SRBD1: variants seen among roughly 807,000 people sequenced by gnomAD.
The protein encoded by SRBD1 is S1 RNA binding domain 1.
SRBD1 carries 88 observed loss-of-function variants against 115.3 expected under a neutral mutation model. The observed-to-expected ratio is 0.76, with a 90% CI of 0.64 to 0.91. The LOEUF (loss-of-function observed/expected upper bound fraction) is 0.91. SRBD1 is among the 40% of genes least tolerant of loss of function. The pLI is 0.00. For missense variants in SRBD1, 1,385 were observed against 1,177.4 expected (o/e 1.18, Z -2.58); for synonymous variants, 509 against 407.7 (o/e 1.25, Z -2.99).
intron 5 of SRBD1, among the ~76,000 whole-genome samples, chr2:45,583,908 G>A (rs1398598327): frequency 6.6e-6 from 1 of 152,104 alleles, no homozygotes; most frequent in Non-Finnish European, 1.5e-5. Context: ...TGCAATAGAA[G>A]GGTTTTTTAA....
chr2:45,521,438 CA>C (rs1440090166), intron 14 of SRBD1, among the ~76,000 whole-genome samples: 3 of 151,616 alleles, frequency 2.0e-5, no homozygotes, highest in Non-Finnish European at 4.4e-5. Context: ...AAATGTAAGT[CA>C]AAACCAAAAT....
intron 16 of SRBD1, among the ~76,000 whole-genome samples, chr2:45,440,273 G>C (rs1367142058): frequency 6.6e-6 from 1 of 152,144 alleles, no homozygotes; most frequent in Non-Finnish European, 1.5e-5. Context: ...TAAGAGTCCT[G>C]TGTTTAAATT....
At chr2:45,398,192 AT>A (rs1284009981) in intron 19 of SRBD1, among the ~76,000 whole-genome samples, 3 of 152,214 alleles carry the variant, frequency 2.0e-5, no homozygotes, top group Non-Finnish European at 4.4e-5. Flanking sequence ...TAAGATAAAC[AT>A]TTTAAAAATG....
chr2:45,414,474 AGT>A lies in SRBD1; in HGVS notation c.2334-1183_2334-1182del, dbSNP rs921678609. ...TATGTAGTATGTATAGTGTGTATAT[AGT>A]GTGTGTGTACAGTGTGTATATAGTG... On this transcript the variant is annotated intron_variant, in intron 18 of 20. Transcript: ENST00000263736. Among the ~76,000 whole-genome samples, 74 of 143,874 alleles carry A rather than the reference AGT, an allele frequency of 5.1e-4. 1 individual carries two copies. Among genetic ancestry groups the A allele is most frequent in the African/African-American group, 1.3e-3 (46 of 36,194 alleles). The allele number at this position is 143,874 out of a possible 152,430, so 94.4% of individuals were successfully genotyped here.
At chr2:45,577,156 G>C (rs983214826) in intron 7 of SRBD1, among the ~76,000 whole-genome samples, 3 of 152,210 alleles carry the variant, frequency 2.0e-5, no homozygotes, top group Non-Finnish European at 4.4e-5. Flanking sequence ...TTCTCAATGG[G>C]AGATAGAAAT....
At chr2:45,528,368 T>C (rs1165082500) in intron 14 of SRBD1, among the ~76,000 whole-genome samples, 7 of 151,762 alleles carry the variant, frequency 4.6e-5, no homozygotes, top group African/African-American at 1.7e-4. Context: ...GAGACACATT[T>C]CAGAGACAGA....
chr2:45,563,787 T>G (rs961058166), intron 9 of SRBD1, among the ~76,000 whole-genome samples: 1 of 152,104 alleles, frequency 6.6e-6, no homozygotes. Flanking sequence ...ATAAAAAGTA[T>G]GGACACTGAA....
chr2:45,477,813 C>T (rs1290951885), intron 15 of SRBD1, among the ~76,000 whole-genome samples: 5 of 152,166 alleles, frequency 3.3e-5, no homozygotes, highest in African/African-American at 1.2e-4. Context: ...GCAAGTGATC[C>T]TCCTTCTGTC....
chr2:45,422,441 A>G (rs1402651613), intron 16 of SRBD1, among the ~76,000 whole-genome samples: 1 of 152,236 alleles, frequency 6.6e-6, no homozygotes, highest in African/African-American at 2.4e-5. Flanking sequence ...GTTATGATCA[A>G]TTAGTGGATC....
intron 16 of SRBD1, among the ~76,000 whole-genome samples, chr2:45,472,129 A>T (rs1450221930): frequency 3.3e-5 from 5 of 152,190 alleles, no homozygotes; most frequent in Admixed American, 6.6e-5. Context: ...ACACCCACAC[A>T]TACACACACT....
chr2:45,427,366 G>A (rs1427811349), intron 16 of SRBD1, among the ~76,000 whole-genome samples: 1 of 151,924 alleles, frequency 6.6e-6, no homozygotes, highest in Non-Finnish European at 1.5e-5. Flanking sequence ...TCAGTGTGCT[G>A]TATTCAGGAG....
chr2:45,406,862 T>A (rs1572601517), intron 19 of SRBD1, among the ~76,000 whole-genome samples: 1 of 152,256 alleles, frequency 6.6e-6, no homozygotes, highest in East Asian at 1.9e-4. Flanking sequence ...AAAGACAGCA[T>A]ATTCCAGATA....
intron 14 of SRBD1, among the ~76,000 whole-genome samples, chr2:45,539,150 G>A (rs1671854093): frequency 1.3e-5 from 2 of 151,604 alleles, no homozygotes; most frequent in South Asian, 4.2e-4. Flanking sequence ...TGAGAAATGA[G>A]CTACCTGGAT....
rs904251255 is a variant in SRBD1 at position 45,597,009 on chromosome 2, C to G, written c.648+2440G>C. Among the ~76,000 whole-genome samples, 9 of 151,608 alleles carry G rather than the reference C, an allele frequency of 5.9e-5. No homozygotes were observed. The East Asian group carries it at 1.7e-3, about 29-fold the overall frequency. On this transcript the variant is annotated intron_variant, in intron 4 of 20. Transcript: ENST00000263736. ...ACCCTCACACACACACACACACACA[C>G]ACACACACAGCCCTGGCAGCCATAT...
At chr2:45,587,197 AT>A (rs1297346092) in intron 4 of SRBD1, among the ~76,000 whole-genome samples, 3 of 145,756 alleles carry the variant, frequency 2.1e-5, no homozygotes, top group Non-Finnish European at 4.5e-5. Flanking sequence ...ATTTTTAAAT[AT>A]TTAATTATTT....
rs79644611 is a variant in SRBD1, at chr2:45,525,707, A to G, written c.1874+21025T>C. ...GTTGTACATGATACCTATGATTTTT[A>G]CTATCAATTTGAAGAAAATATTAAC... On this transcript the variant is annotated intron_variant, in intron 14 of 20. Coordinates refer to ENST00000263736, the MANE Select transcript of SRBD1 (RefSeq NM_018079.5). 3.9e-3 allele frequency among the ~76,000 whole-genome samples: 590 copies of G among 152,194 alleles called. 5 individuals carry two copies. The highest frequency in any genetic ancestry group is 0.013 in the African/African-American group (543 of 41,560).
intron 16 of SRBD1, among the ~76,000 whole-genome samples, chr2:45,434,084 G>A (rs912629597): frequency 2.6e-5 from 4 of 152,154 alleles, no homozygotes; most frequent in Non-Finnish European, 4.4e-5. Context: ...CATATGGAAG[G>A]TACGCTGAAG....
intron 1 of SRBD1, among the ~76,000 whole-genome samples, chr2:45,607,173 A>G (rs1674299019): frequency 6.6e-6 from 1 of 152,198 alleles, no homozygotes; most frequent in African/African-American, 2.4e-5. Flanking sequence ...TTTTTTAGAC[A>G]TTGATCATGA....
chr2:45,496,629 T>C (rs1366485806), intron 14 of SRBD1, among the ~76,000 whole-genome samples: 5 of 152,314 alleles, frequency 3.3e-5, no homozygotes, highest in African/African-American at 1.2e-4. Flanking sequence ...ACTGTACTGT[T>C]ACAATCTCAG....
Sources: allele counts gnomAD v4.1 joint callset (sites outside exome capture counted in the v4.1 genomes callset), GRCh38; gene constraint gnomAD v4.1.1; transcripts MANE v1.5; gene names NCBI Gene and HGNC (gene_info 2026-07-23, HGNC 2026-07-21).